Variants in TMEM132E observed in about 807,000 individuals in gnomAD.
TMEM132E encodes the protein transmembrane protein 132E.
In TMEM132E, 49 loss-of-function variants were observed where a neutral mutation model predicts 78.5. The observed-to-expected ratio is 0.62, with a 90% CI of 0.50 to 0.79. TMEM132E has a LOEUF of 0.79. Ranked by LOEUF, TMEM132E falls within the 30% of genes least tolerant of loss-of-function variation. The pLI, the probability that TMEM132E is intolerant of heterozygous loss-of-function variation, is 0.00. For synonymous variants in TMEM132E, 715 were observed against 670.6 expected, an observed-to-expected ratio of 1.07 and a Z score of -1.02; for missense variants, 1,403 against 1,470.9, an observed-to-expected ratio of 0.95 and a Z score of 0.75.
chr17:34,615,133 C>T (rs937484209), intron 1 of TMEM132E, among the ~76,000 whole-genome samples: 2 of 98,916 alleles, frequency 2.0e-5, no homozygotes, highest in African/African-American at 5.6e-5. Context: ...GCAAGTCTTC[C>T]CTCCCTGGGT....
At chr17:34,617,109 GCT>G (rs1282640959) in intron 1 of TMEM132E, among the ~76,000 whole-genome samples, 14 of 152,230 alleles carry the variant, frequency 9.2e-5, no homozygotes, top group Non-Finnish European at 2.1e-4. Context: ...CCAGCTGACT[GCT>G]ACCTAGTCCA....
In TMEM132E at chr17:34,638,179, A is replaced by G. The variant is rs746007256; in HGVS notation, c.3172A>G (p.Thr1058Ala). The change falls in exon 9 of 9, where the codon ACT (threonine) becomes GCT (alanine). Residue 1058 changes from threonine to alanine, a missense_variant. Physicochemically the swap from Thr to Ala is moderately conservative, Grantham distance 58. This residue lies in a region of TMEM132E where 888 missense variants were observed against 952.8 expected (regional missense o/e 0.93). Transcript: ENST00000631683. ...CPDVAGPTRP[T>A]APPDLHNYMR... The stretch of plus-strand genomic sequence containing the variant: ...GGATGTGGCGGGCCCCACGCGGCCC[A>G]CTGCACCCCCGGACCTGCACAATTA... The G allele has an allele frequency of 4.4e-6, 7 of 1,604,988 alleles. No homozygotes were observed. Among genetic ancestry groups the G allele is most frequent in the Non-Finnish European group, 5.9e-6 (7 of 1,176,920 alleles).
rs949471078 is a variant in TMEM132E, at chr17:34,638,269, A to C, written c.*37A>C. On this transcript the variant is annotated 3_prime_UTR_variant, in exon 9 of 9. Coordinates refer to ENST00000631683, the MANE Select transcript of TMEM132E (RefSeq NM_001304438.2). ...GGAGTAGCAGGGACCCCCCCCCCCA[A>C]CGGGGTCAGCTCGGGGTAGGACACA... The C allele has an allele frequency of 2.1e-6, 3 of 1,409,146 alleles. No individual in the cohort carries two copies. The highest frequency in any genetic ancestry group is 1.5e-5 in the African/African-American group (1 of 68,828). The allele number at this position is 1,409,146 out of a possible 1,614,324, so 87.3% of individuals were successfully genotyped here. A position where few individuals can be genotyped will look rare whatever the true frequency, so the allele number is the denominator to read the frequency against.
At chr17:34,602,515 A>G (rs1187288413) in intron 1 of TMEM132E, among the ~76,000 whole-genome samples, 1 of 152,236 alleles carries the variant, frequency 6.6e-6, no homozygotes, top group African/African-American at 2.4e-5. Context: ...CTTCTAGCTT[A>G]GAAGATGGAG....
chr17:34,636,388 C>G lies in TMEM132E; in HGVS notation c.2169+190C>G, dbSNP rs1907523695. 3.3e-5 allele frequency among the ~76,000 whole-genome samples: 5 copies of G among 152,216 alleles called. No homozygotes were observed. In the South Asian group the frequency reaches 1.0e-3, roughly 31 times the overall value. Reference sequence around the variant, plus strand: ...TCTACATGGGAGGTCAGAGCAAGGTCTTGCTTGCTGCTCTTGCCACCTGAG... The same window carrying G: ...TCTACATGGGAGGTCAGAGCAAGGTGTTGCTTGCTGCTCTTGCCACCTGAG... On this transcript the variant is annotated intron_variant, in intron 8 of 8. Coordinates refer to ENST00000631683, the MANE Select transcript of TMEM132E (RefSeq NM_001304438.2).
At chr17:34,593,124 G>C (rs1905933255) in intron 1 of TMEM132E, among the ~76,000 whole-genome samples, 1 of 151,798 alleles carries the variant, frequency 6.6e-6, no homozygotes, top group African/African-American at 2.4e-5. Flanking sequence ...CATGTAATCA[G>C]GGCCAGGCCT....
Position 34,637,416 on chromosome 17 carries a change from C to T in TMEM132E, c.2409C>T (p.Ala803=). ...CQKTKRKSVL[A]TTPVGLRVHF... ...AAACCAAACGCAAGAGTGTGCTCGC[C>T]ACGACCCCTGTGGGCCTGCGGGTGC... The change falls in exon 9 of 9, where the codon GCC becomes GCT. Residue 803 remains alanine, a synonymous_variant. Coordinates refer to ENST00000631683, the MANE Select transcript of TMEM132E (RefSeq NM_001304438.2). 6.2e-7 allele frequency: 1 copy of T among 1,613,760 alleles called. No individual in the cohort carries two copies. The highest frequency in any genetic ancestry group is 8.5e-7 in the Non-Finnish European group (1 of 1,180,028).
intron 1 of TMEM132E, among the ~76,000 whole-genome samples, chr17:34,610,196 T>C (rs772798095): frequency 2.7e-4 from 41 of 152,352 alleles, no homozygotes; most frequent in South Asian, 8.3e-4. Context: ...GTTATTTATG[T>C]ACTTGTCTGA....
intron 1 of TMEM132E, among the ~76,000 whole-genome samples, chr17:34,598,404 G>T (rs1313988635): frequency 6.6e-6 from 1 of 152,140 alleles, no homozygotes; most frequent in Non-Finnish European, 1.5e-5. Flanking sequence ...ATTACCTGGG[G>T]CCCCACTCTG....
Position 34,628,546 on chromosome 17 carries a change from C to T in TMEM132E, c.999-17C>T, listed in dbSNP as rs1907234067. 2 of 1,613,438 alleles carry T rather than the reference C, an allele frequency of 1.2e-6. No homozygotes were observed. The highest frequency in any genetic ancestry group is 1.7e-6 in the Non-Finnish European group (2 of 1,179,682). On this transcript the variant is annotated splice_polypyrimidine_tract_variant and intron_variant, in intron 2 of 8. Coordinates refer to ENST00000631683, the MANE Select transcript of TMEM132E (RefSeq NM_001304438.2). The stretch of plus-strand genomic sequence containing the variant: ...TAGCCTGACCCTCTCCCTCTTCTTC[C>T]TCCCACTTTGTCCCAGGGTGAAGGC...
At chr17:34,632,110 C>T (rs930091848) in intron 5 of TMEM132E, among the ~76,000 whole-genome samples, 1 of 152,168 alleles carries the variant, frequency 6.6e-6, no homozygotes, top group Non-Finnish European at 1.5e-5. Context: ...TTCTAAGGTC[C>T]TGAGTTTTCC....
intron 1 of TMEM132E, among the ~76,000 whole-genome samples, chr17:34,605,207 C>T (rs1484517201): frequency 6.6e-6 from 1 of 152,172 alleles, no homozygotes; most frequent in Non-Finnish European, 1.5e-5. Context: ...CACCTACTGT[C>T]GCACGGGCTG....
At chr17:34,612,108 C>T (rs773961992) in intron 1 of TMEM132E, among the ~76,000 whole-genome samples, 5 of 152,136 alleles carry the variant, frequency 3.3e-5, no homozygotes, top group Non-Finnish European at 1.5e-5. Context: ...AGAGTTTGCC[C>T]TACTCTCAAC....
chr17:34,638,165 G>A lies in TMEM132E; in HGVS notation c.3158G>A (p.Gly1053Asp). ...DLGWGCPDVA[G>D]PTRPTAPPDL... ...GGTTGGGGCTGCCCGGATGTGGCGG[G>A]CCCCACGCGGCCCACTGCACCCCCG... is the stretch of plus-strand genomic sequence containing the variant. The change falls in exon 9 of 9, where the codon GGC becomes GAC. Residue 1053 changes from glycine (G) to aspartate (D), a missense_variant. This residue lies in a region of TMEM132E where 888 missense variants were observed against 952.8 expected (regional missense o/e 0.93). Transcript: ENST00000631683. The A allele has an allele frequency of 1.2e-6, 2 of 1,605,686 alleles. No homozygotes were observed. The highest frequency in any genetic ancestry group is 8.5e-7 in the Non-Finnish European group (1 of 1,176,942).
In TMEM132E at chr17:34,632,817, C is replaced by G; in HGVS notation, c.1596C>G (p.Val532=). The G allele has an allele frequency of 1.2e-6, 2 of 1,614,238 alleles. No individual in the cohort carries two copies. Among genetic ancestry groups the G allele is most frequent in the Non-Finnish European group, 1.7e-6 (2 of 1,180,048 alleles). ...TCAATGCTCCCCTGGAAATGACAGT[C>G]TGGGTCCCCAAGCTGCCCTTGCACA... is the stretch of plus-strand genomic sequence containing the variant. ...DVLNAPLEMT[V]WVPKLPLHIE... Residue 532 remains valine, a synonymous_variant, in exon 6 of 9, where the codon GTC becomes GTG. Transcript: ENST00000631683.
chr17:34,581,510 G>T (rs1008372040), intron 1 of TMEM132E, among the ~76,000 whole-genome samples: 1 of 152,148 alleles, frequency 6.6e-6, no homozygotes, highest in Admixed American at 6.5e-5. Context: ...CCCTGCAGCC[G>T]GCCGGGCTGG....
intron 1 of TMEM132E, among the ~76,000 whole-genome samples, chr17:34,612,621 A>T (rs754980981): frequency 1.3e-5 from 2 of 152,234 alleles, no homozygotes; most frequent in Non-Finnish European, 2.9e-5. Flanking sequence ...AACATCAGAG[A>T]TCATTCACAC....
At chr17:34,634,402 G>T (rs1180901603) in intron 6 of TMEM132E, among the ~76,000 whole-genome samples, 6 of 152,228 alleles carry the variant, frequency 3.9e-5, no homozygotes, top group Admixed American at 3.9e-4. Flanking sequence ...CCACACAACT[G>T]CAGGACACAA....
At position 34,637,466 on chromosome 17, in the gene TMEM132E, C is replaced by T. The variant is rs1442364304; in HGVS notation, c.2459C>T (p.Pro820Leu). 2 of 1,612,764 alleles carry T rather than the reference C, an allele frequency of 1.2e-6. No individual in the cohort carries two copies. Among genetic ancestry groups the T allele is most frequent in the Non-Finnish European group, 1.7e-6 (2 of 1,179,772 alleles). ...CACTTTGGGAGGGACGAGGAGGACC[C>T]CACTTATGACTACCCGGGCCCCAGC... ...RVHFGRDEED[P>L]TYDYPGPSQP... The change falls in exon 9 of 9, where the codon CCC (proline) becomes CTC (leucine). Residue 820 changes from proline (P) to leucine (L), a missense_variant. Coordinates refer to ENST00000631683, the MANE Select transcript of TMEM132E (RefSeq NM_001304438.2).
Sources: gnomAD v4.1 joint callset for allele counts (sites outside exome capture counted in the v4.1 genomes callset) on GRCh38, gnomAD v4.1.1 for gene constraint, gnomAD v4.1.1 regional missense constraint, MANE v1.5 for transcripts, NCBI Gene and HGNC (gene_info 2026-07-23, HGNC 2026-07-21) for gene names.